The following NRXN3 variants were observed in gnomAD, a reference collection of about 807,000 sequenced individuals.
NRXN3 encodes neurexin III.
NRXN3 carries 32 observed loss-of-function variants against 137.6 expected under a neutral mutation model. That is an observed-to-expected ratio of 0.23 (90% CI 0.18 to 0.31). The LOEUF is 0.31. Ranked by LOEUF, NRXN3 falls within the 10% of genes least tolerant of loss-of-function variation. The pLI, the probability that NRXN3 is intolerant of heterozygous loss-of-function variation, is 1.00. For missense variants in NRXN3, 1,574 were observed against 2,062.5 expected (o/e 0.76, Z 4.59); for synonymous variants, 798 against 784.5 (o/e 1.02, Z -0.29).
chr14:79,772,379 C>A (rs867919694), intron 19 of NRXN3, among the ~76,000 whole-genome samples: 1 of 152,084 alleles, frequency 6.6e-6, no homozygotes, highest in Non-Finnish European at 1.5e-5. Flanking sequence ...TCAAACTATA[C>A]TACAAGGCTA....
chr14:79,522,075 G>A (rs767751499), intron 16 of NRXN3, among the ~76,000 whole-genome samples: 36 of 152,066 alleles, frequency 2.4e-4, no homozygotes, highest in Admixed American at 3.9e-4. Context: ...ATGGATGATC[G>A]TCACAGAAAC....
chr14:79,365,650 C>T (rs2093852812), intron 15 of NRXN3, among the ~76,000 whole-genome samples: 1 of 139,770 alleles, frequency 7.2e-6, no homozygotes, highest in African/African-American at 2.7e-5. Flanking sequence ...ACCCGGGAAG[C>T]GGAGCTTGCA....
chr14:78,461,909 G>A (rs1039188179), intron 4 of NRXN3, among the ~76,000 whole-genome samples: 1 of 152,214 alleles, frequency 6.6e-6, no homozygotes, highest in Admixed American at 6.5e-5. Flanking sequence ...AGTCAGACCT[G>A]ATTTAAGATG....
Position 79,734,963 on chromosome 14 carries a change from C to A in NRXN3, c.4014+37026C>A, listed in dbSNP as rs537590056. Among the ~76,000 whole-genome samples, 12 of 152,216 alleles carry A rather than the reference C, an allele frequency of 7.9e-5. No individual in the cohort carries two copies. The South Asian group carries it at 2.3e-3, about 29-fold the overall frequency. The stretch of plus-strand genomic sequence containing the variant: ...AATTCTTATTAAGCCTACTAGGTAC[C>A]AAAGCAATAGCCTGAAGTTTGGAAA... On this transcript the variant is annotated intron_variant, in intron 19 of 20. Transcript: ENST00000335750.
At chr14:78,290,651 G>T (rs949510287) in intron 3 of NRXN3, among the ~76,000 whole-genome samples, 1 of 152,132 alleles carries the variant, frequency 6.6e-6, no homozygotes. Context: ...AAAAAAAGGG[G>T]GACTTAGGTA....
At chr14:79,227,899 G>C (rs1369819937) in intron 15 of NRXN3, among the ~76,000 whole-genome samples, 2 of 142,992 alleles carry the variant, frequency 1.4e-5, no homozygotes, top group African/African-American at 5.1e-5. Context: ...GTCTCAAATG[G>C]TAAGTCAGGC....
At chr14:79,004,577 C>A (rs896643796) in intron 15 of NRXN3, among the ~76,000 whole-genome samples, 8 of 152,202 alleles carry the variant, frequency 5.3e-5, no homozygotes, top group Non-Finnish European at 1.0e-4. Context: ...ACAAATATTT[C>A]ATGCTAAATA....
intron 4 of NRXN3, among the ~76,000 whole-genome samples, chr14:78,523,816 C>CAAAAAAAAGAAAAAAAAAAAAAA (rs2096328146): frequency 1.6e-5 from 1 of 61,604 alleles, no homozygotes; most frequent in Non-Finnish European, 2.6e-5. Flanking sequence ...GACTCTGTCT[C>CAAAAAAAAGAAAAAAAAAAAAAA]AAAAAAAAAA....
chr14:78,893,005 G>A (rs1462877397), intron 10 of NRXN3, among the ~76,000 whole-genome samples: 2 of 151,872 alleles, frequency 1.3e-5, no homozygotes, highest in South Asian at 2.1e-4. Flanking sequence ...AACTAGTTCA[G>A]CATCAAAAGG....
chr14:78,754,907 G>A (rs747539529), intron 8 of NRXN3, among the ~76,000 whole-genome samples: 1 of 150,954 alleles, frequency 6.6e-6, no homozygotes, highest in Non-Finnish European at 1.5e-5. Flanking sequence ...TATGCTTTTG[G>A]AGGTTTTCCC....
chr14:79,604,501 G>A (rs2097973789), intron 16 of NRXN3, among the ~76,000 whole-genome samples: 1 of 150,354 alleles, frequency 6.7e-6, no homozygotes, highest in African/African-American at 2.5e-5. Flanking sequence ...TCCAAAAGCG[G>A]TAGGATTACA....
At chr14:78,943,624 ATATATATATATATATATATAT>A (rs1567778330) in intron 10 of NRXN3, among the ~76,000 whole-genome samples, 690 of 15,828 alleles carry the variant, frequency 0.044, 70 homozygotes, top group African/African-American at 0.12. Context: ...AAAAAAAAAT[ATATATATATATATATATATAT>A]ATATATATAT....
At chr14:78,189,331 T>C (rs928567112) in intron 1 of NRXN3, among the ~76,000 whole-genome samples, 4 of 152,202 alleles carry the variant, frequency 2.6e-5, no homozygotes, top group African/African-American at 7.2e-5. Flanking sequence ...CTTTAATAAG[T>C]AGGTCAGATC....
chr14:78,610,398 G>T (rs186349518), intron 4 of NRXN3, among the ~76,000 whole-genome samples: 24 of 152,266 alleles, frequency 1.6e-4, no homozygotes, highest in Admixed American at 1.4e-3. Flanking sequence ...CTCTTCCAAG[G>T]GCGTAAGCAT....
Position 79,362,529 on chromosome 14 carries a change from G to T in NRXN3, c.3263-104692G>T, listed in dbSNP as rs374921096. ...TGTTAAATTCTGCAGGAAAAAAACT[G>T]ATTAGACATAGACAATATCAACATG... On this transcript the variant is annotated intron_variant, in intron 15 of 20. Transcript: ENST00000335750. 3.3e-5 allele frequency among the ~76,000 whole-genome samples: 5 copies of T among 152,220 alleles called. No homozygotes were observed. The East Asian group carries it at 7.7e-4, about 23-fold the overall frequency.
chr14:78,227,486 A>G (rs2064827691), intron 1 of NRXN3, among the ~76,000 whole-genome samples: 1 of 152,218 alleles, frequency 6.6e-6, no homozygotes, highest in Admixed American at 6.5e-5. Flanking sequence ...TGCTCCGTGC[A>G]TGTTACATAT....
chr14:78,990,447 C>T (rs1454643060), intron 15 of NRXN3, among the ~76,000 whole-genome samples: 3 of 144,242 alleles, frequency 2.1e-5, no homozygotes, highest in African/African-American at 7.8e-5. Context: ...TCTCGGCTCA[C>T]TGCAACCTCC....
At chr14:79,722,100 C>T (rs1223872006) in intron 19 of NRXN3, among the ~76,000 whole-genome samples, 1 of 152,042 alleles carries the variant, frequency 6.6e-6, no homozygotes, top group African/African-American at 2.4e-5. Context: ...TTAATATCAA[C>T]TTTATAGGAT....
At chr14:79,412,516 C>T (rs552317380) in intron 15 of NRXN3, among the ~76,000 whole-genome samples, 60 of 151,896 alleles carry the variant, frequency 4.0e-4, no homozygotes, top group African/African-American at 1.2e-3. Flanking sequence ...CAGTGGCTCA[C>T]GCCTGTAATC....
Sources: gnomAD v4.1 joint callset for allele counts (sites outside exome capture counted in the v4.1 genomes callset) on GRCh38, gnomAD v4.1.1 for gene constraint, MANE v1.5 for transcripts, NCBI Gene and HGNC (gene_info 2026-07-23, HGNC 2026-07-21) for gene names.